Variants in SI observed in about 807,000 individuals in gnomAD.
SI encodes sucrase-isomaltase, intestinal.
Under a neutral mutation model 253.3 loss-of-function variants are expected in SI, and 235 were observed. The ratio of observed to expected loss-of-function variants is 0.93; its 90% CI spans 0.83 to 1.03. The LOEUF (loss-of-function observed/expected upper bound fraction) is 1.03, where lower values mean the gene tolerates loss of function less well. Ranked by LOEUF, SI falls within the 50% of genes least tolerant of loss-of-function variation. The pLI, the probability that SI is intolerant of heterozygous loss-of-function variation, is 0.00. For synonymous variants in SI, 819 were observed against 712.0 expected, an observed-to-expected ratio of 1.15 and a Z score of -2.39; for missense variants, 2,442 against 2,211.1, an observed-to-expected ratio of 1.10 and a Z score of -2.09.
intron 13 of SI, among the ~76,000 whole-genome samples, chr3:165,052,505 A>C (rs1358850517): frequency 6.6e-6 from 1 of 152,138 alleles, no homozygotes; most frequent in Non-Finnish European, 1.5e-5. Context: ...AAAATACAAA[A>C]ATTAGCTGGG....
At chr3:165,038,518 G>C (rs905492637) in intron 20 of SI, among the ~76,000 whole-genome samples, 5 of 148,834 alleles carry the variant, frequency 3.4e-5, no homozygotes, top group Non-Finnish European at 7.4e-5. Flanking sequence ...GACTATCCTG[G>C]CCAACATGGT....
At chr3:165,033,546 C>T (rs897282349) in intron 22 of SI, 102 bp from the exon 23 acceptor site, 1 of 1,127,078 alleles carries the variant, frequency 8.9e-7, no homozygotes, top group Non-Finnish European at 1.1e-6. Context: ...AAACTAGATG[C>T]TGTTTATTAA....
chr3:165,066,927 T>C (rs907566744), intron 6 of SI, among the ~76,000 whole-genome samples: 4 of 151,926 alleles, frequency 2.6e-5, no homozygotes, highest in Non-Finnish European at 5.9e-5. Flanking sequence ...CATTCTATAT[T>C]GGATTCTACA....
chr3:165,016,849 C>T (rs1301124028), intron 31 of SI, among the ~76,000 whole-genome samples: 2 of 151,838 alleles, frequency 1.3e-5, no homozygotes, highest in Non-Finnish European at 2.9e-5. Flanking sequence ...GTATTGTCAA[C>T]ATATATAATT....
chr3:165,013,781 A>G (rs1336197891), intron 33 of SI, among the ~76,000 whole-genome samples: 2 of 152,192 alleles, frequency 1.3e-5, no homozygotes, highest in Non-Finnish European at 2.9e-5. Context: ...AAATCTGACA[A>G]AATGTGTAGA....
chr3:165,049,041 TC>T, intron 15 of SI, 85 bp downstream of exon 15: 1 of 844,420 alleles, frequency 1.2e-6, no homozygotes, highest in Non-Finnish European at 2.1e-6. Context: ...CTTTGCTATT[TC>T]CTAATTATGA....
At chr3:165,040,045 T>G (rs920209303) in intron 18 of SI, 74 bp from the exon 19 acceptor site, 53 of 1,161,742 alleles carry the variant, frequency 4.6e-5, no homozygotes, top group Non-Finnish European at 6.3e-5. Context: ...TCAGTTTATC[T>G]TTTCAGTTTT....
In SI at chr3:165,037,793, T is replaced by A. The variant is rs190430731; in HGVS notation, c.2426+107A>T. 112 of 800,668 alleles carry A rather than the reference T, an allele frequency of 1.4e-4. 1 individual carries two copies. Among genetic ancestry groups the A allele is most frequent in the Admixed American group, 1.8e-4 (9 of 49,456 alleles). 49.6% of individuals were successfully genotyped at this position (800,668 alleles called of 1,614,324 possible). ...TTCAGTATTACCTCTGTATGTCAAA[T>A]ATCTTCTGGTGCAGAAACTAAATAT... is the stretch of plus-strand genomic sequence containing the variant. On this transcript the variant is annotated intron_variant, in intron 21 of 47. Transcript: ENST00000264382.
chr3:165,006,103 T>A (rs1718497433), intron 37 of SI, among the ~76,000 whole-genome samples: 1 of 152,180 alleles, frequency 6.6e-6, no homozygotes, highest in Non-Finnish European at 1.5e-5. Context: ...AATTTATTTA[T>A]TTTATGTTTT....
intron 12 of SI, among the ~76,000 whole-genome samples, chr3:165,058,495 GT>G (rs554271884): frequency 1.4e-4 from 22 of 151,774 alleles, no homozygotes; most frequent in African/African-American, 5.3e-4. Flanking sequence ...GAAATGAAAA[GT>G]TTTTTGAAAA....
chr3:165,055,183 T>TA lies in SI; in HGVS notation c.1512+10dup, dbSNP rs1272002964. Reference sequence around the variant, plus strand: ...ATTGACCAAAACCATTGGTTTAAAATAGCTACTTACAATCCAAAGTCCATC... The same window carrying TA: ...ATTGACCAAAACCATTGGTTTAAAATAAGCTACTTACAATCCAAAGTCCATC... On this transcript the variant is annotated intron_variant, in intron 13 of 47. Coordinates refer to ENST00000264382, the MANE Select transcript of SI (RefSeq NM_001041.4). 3 of 1,490,750 alleles carry TA rather than the reference T, an allele frequency of 2.0e-6. No individual in the cohort carries two copies. Among genetic ancestry groups the TA allele is most frequent in the African/African-American group, 1.4e-5 (1 of 72,672 alleles). The allele number at this position is 1,490,750 out of a possible 1,614,324, so 92.3% of individuals were successfully genotyped here. A position where few individuals can be genotyped will look rare whatever the true frequency, so the allele number is the denominator to read the frequency against.
chr3:165,060,481 A>G (rs1713932065), intron 9 of SI, among the ~76,000 whole-genome samples: 1 of 151,950 alleles, frequency 6.6e-6, no homozygotes, highest in Non-Finnish European at 1.5e-5. Flanking sequence ...TTTGGCAGTT[A>G]TCTATCTCCT....
At chr3:165,050,051 G>T (rs1179679455) in intron 13 of SI, among the ~76,000 whole-genome samples, 176 bp from the exon 14 acceptor site, 1 of 152,058 alleles carries the variant, frequency 6.6e-6, no homozygotes, top group African/African-American at 2.4e-5. Context: ...TATCAGATAA[G>T]TATCTTAGAT....
chr3:165,059,903 A>T lies in SI; in HGVS notation c.1145T>A (p.Phe382Tyr), dbSNP rs1713903889. 2 of 1,611,232 alleles carry T rather than the reference A, an allele frequency of 1.2e-6. No homozygotes were observed. The highest frequency in any genetic ancestry group is 1.7e-6 in the Non-Finnish European group (2 of 1,177,866). Residue 382 changes from phenylalanine (F) to tyrosine (Y), a missense_variant and splice_region_variant, in exon 10 of 48, where the codon TTT (phenylalanine) becomes TAT (tyrosine). By Grantham distance (22) the Phe-to-Tyr change is conservative. Transcript: ENST00000264382. ...VRRNREAGIP[F>Y]DTQVTDIDYM... ...CCACGGACCCTTTATTCTACTTACA[A>T]ATGGTATGCCAGCTTCCCGGTTTCT...
At chr3:165,041,175 T>A in intron 17 of SI, 81 bp from the exon 18 acceptor site, 2 of 1,184,854 alleles carry the variant, frequency 1.7e-6, no homozygotes, top group Non-Finnish European at 2.5e-6. Flanking sequence ...AATCTGCTTT[T>A]TAAAGCAACT....
At chr3:165,060,417 TACAAGAAAA>T (rs1713929135) in intron 9 of SI, among the ~76,000 whole-genome samples, 1 of 152,162 alleles carries the variant, frequency 6.6e-6, no homozygotes, top group African/African-American at 2.4e-5. Context: ...CAAGTCACCA[TACAAGAAAA>T]ACAGAAAAGA....
In SI at chr3:165,067,363, A is replaced by G. The variant is rs1714296566; in HGVS notation, c.612T>C (p.Ile204=). The stretch of plus-strand genomic sequence containing the variant: ...ACAAAGTTTTACCGTTGCTTTTCCT[A>G]ATAACTTGGATGCTAAATGGGTTTT... ...VAQNPFSIQV[I]RKSNGKTLFD... is the part of the protein sequence containing the mutation. The change falls in exon 6 of 48, where the codon ATT becomes ATC. Residue 204 remains isoleucine, a synonymous_variant. Coordinates refer to ENST00000264382, the MANE Select transcript of SI (RefSeq NM_001041.4). 6.2e-7 allele frequency: 1 copy of G among 1,610,594 alleles called. No homozygotes were observed. The highest frequency in any genetic ancestry group is 8.5e-7 in the Non-Finnish European group (1 of 1,177,576).
Position 165,041,606 on chromosome 3 carries a change from T to C in SI, c.2005-512A>G, listed in dbSNP as rs140936163. Among the ~76,000 whole-genome samples the C allele has an allele frequency of 1.4e-3, 216 of 152,204 alleles. 1 individual carries two copies. The highest frequency in any genetic ancestry group is 5.1e-3 in the African/African-American group (212 of 41,554). On this transcript the variant is annotated intron_variant, in intron 17 of 47. Coordinates refer to ENST00000264382, the MANE Select transcript of SI (RefSeq NM_001041.4). ...CCATTGCTATTAGAATTATCACAGATAGGTTGCTGGCTCAGGAACACAGTG... is the reference window on the plus strand; with the variant it reads ...CCATTGCTATTAGAATTATCACAGACAGGTTGCTGGCTCAGGAACACAGTG...
intron 9 of SI, among the ~76,000 whole-genome samples, chr3:165,062,012 A>C (rs1714006198): frequency 6.6e-6 from 1 of 151,992 alleles, no homozygotes; most frequent in Admixed American, 6.6e-5. Flanking sequence ...TATGACCTAC[A>C]CATTTATTGC....
Sources: gnomAD v4.1 joint callset for allele counts (sites outside exome capture counted in the v4.1 genomes callset) on GRCh38, gnomAD v4.1.1 for gene constraint, MANE v1.5 for transcripts, NCBI Gene and HGNC (gene_info 2026-07-23, HGNC 2026-07-21) for gene names.